The following AAGAB variants were observed in gnomAD, a reference collection of about 807,000 sequenced individuals.
AAGAB encodes the protein alpha- and gamma-adaptin-binding protein p34.
In AAGAB, 38 loss-of-function variants were observed where a neutral mutation model predicts 44.1. The observed-to-expected ratio is 0.86, with a 90% CI of 0.67 to 1.13. The LOEUF (loss-of-function observed/expected upper bound fraction) is 1.13, where lower values mean the gene tolerates loss of function less well. Among genes scored for constraint, AAGAB ranks in the 50% most tolerant of loss-of-function variants. AAGAB has a pLI of 0.00. For synonymous variants in AAGAB, 131 were observed against 131.8 expected (o/e 0.99, Z 0.04); for missense variants, 450 against 373.8 (o/e 1.20, Z -1.68).
chr15:67,211,379 G>A (rs1963816871), intron 5 of AAGAB, among the ~76,000 whole-genome samples: 1 of 152,156 alleles, frequency 6.6e-6, no homozygotes, highest in Non-Finnish European at 1.5e-5. Flanking sequence ...TCCAAAGACA[G>A]GGGACCAAAG....
At position 67,236,568 on chromosome 15, in the gene AAGAB, G is replaced by C. The variant is rs922166344; in HGVS notation, c.264+62C>G. The C allele has an allele frequency of 5.0e-6, 8 of 1,600,022 alleles. No individual in the cohort carries two copies. In the African/African-American group the frequency reaches 9.4e-5, roughly 19 times the overall value. On this transcript the variant is annotated intron_variant, in intron 2 of 9. Transcript: ENST00000261880. ...AAGAGATAGTCAGACAAAATGTAAT[G>C]GGAAAAAAAGAAGGCATGCAATAAT...
chr15:67,227,306 A>T (rs1964227332), intron 5 of AAGAB, among the ~76,000 whole-genome samples: 1 of 152,170 alleles, frequency 6.6e-6, no homozygotes. Context: ...TAATGTCTTG[A>T]AAAAGGTAAC....
chr15:67,233,433 AT>A (rs1489191352), intron 4 of AAGAB, among the ~76,000 whole-genome samples: 1 of 152,234 alleles, frequency 6.6e-6, no homozygotes, highest in East Asian at 1.9e-4. Flanking sequence ...TACAAAGGAA[AT>A]GGGGATCCTG....
intron 1 of AAGAB, among the ~76,000 whole-genome samples, chr15:67,250,819 G>C (rs1377653908): frequency 6.6e-6 from 1 of 152,116 alleles, no homozygotes; most frequent in Admixed American, 6.5e-5. Context: ...GAGGTCAAGA[G>C]ATGGAGACCA....
At chr15:67,217,903 T>C (rs947641548) in intron 5 of AAGAB, among the ~76,000 whole-genome samples, 15 of 152,200 alleles carry the variant, frequency 9.9e-5, no homozygotes, top group African/African-American at 3.6e-4. Context: ...GAATCTGAGA[T>C]TTCTGCCATG....
chr15:67,249,261 C>T (rs1964803681), intron 1 of AAGAB, among the ~76,000 whole-genome samples: 1 of 152,168 alleles, frequency 6.6e-6, no homozygotes, highest in African/African-American at 2.4e-5. Flanking sequence ...TCTCGAACTC[C>T]TGACCTCAGG....
chr15:67,209,988 A>C (rs1416412226), intron 5 of AAGAB, among the ~76,000 whole-genome samples: 5 of 152,062 alleles, frequency 3.3e-5, no homozygotes, highest in Non-Finnish European at 7.4e-5. Context: ...TTTTAAGTAC[A>C]TTTTTTAAAA....
At chr15:67,240,270 G>GT in intron 1 of AAGAB, among the ~76,000 whole-genome samples, 1 of 151,946 alleles carries the variant, frequency 6.6e-6, no homozygotes, top group East Asian at 1.9e-4. Flanking sequence ...TTTTGTTGTT[G>GT]TTTTTTTGTT....
intron 1 of AAGAB, among the ~76,000 whole-genome samples, chr15:67,250,745 C>T (rs187148998): frequency 5.3e-5 from 8 of 152,172 alleles, no homozygotes; most frequent in African/African-American, 1.2e-4. Flanking sequence ...TCTACCCTGT[C>T]GCCGGGTGCG....
At chr15:67,222,853 C>A (rs1384694415) in intron 5 of AAGAB, among the ~76,000 whole-genome samples, 1 of 152,176 alleles carries the variant, frequency 6.6e-6, no homozygotes, top group African/African-American at 2.4e-5. Context: ...CCCTTTCCTG[C>A]AAAATTTTCA....
intron 4 of AAGAB, among the ~76,000 whole-genome samples, chr15:67,233,252 AC>A (rs1464361189): frequency 6.6e-6 from 1 of 152,246 alleles, no homozygotes; most frequent in Non-Finnish European, 1.5e-5. Flanking sequence ...AAGTGAAATG[AC>A]TAGAAGTGTA....
upstream of AAGAB, chr15:67,255,016 C>G: frequency 1.4e-6 from 2 of 1,470,222 alleles, no homozygotes; most frequent in Non-Finnish European, 1.9e-6. Flanking sequence ...TCCCGCGCGC[C>G]GATTCACCGA....
chr15:67,207,121 C>T (rs1012774880), intron 7 of AAGAB, among the ~76,000 whole-genome samples: 1 of 152,144 alleles, frequency 6.6e-6, no homozygotes, highest in Admixed American at 6.5e-5. Context: ...ACCCAGGAAG[C>T]GAGATTGCGG....
intron 1 of AAGAB, 73 bp downstream of exon 1, chr15:67,254,486 G>A (rs925738103): frequency 2.0e-6 from 3 of 1,516,700 alleles, no homozygotes; most frequent in African/African-American, 1.4e-5. Flanking sequence ...GCCCAGAGAG[G>A]CCGTGGTGCT....
intron 5 of AAGAB, among the ~76,000 whole-genome samples, chr15:67,228,959 C>T (rs1439900076): frequency 6.6e-6 from 1 of 152,126 alleles, no homozygotes; most frequent in Non-Finnish European, 1.5e-5. Context: ...AGAGGCCCAA[C>T]AGACACTGGG....
At chr15:67,227,842 T>A (rs1372253454) in intron 5 of AAGAB, among the ~76,000 whole-genome samples, 1 of 152,196 alleles carries the variant, frequency 6.6e-6, no homozygotes, top group African/African-American at 2.4e-5. Context: ...ATTCATTGTA[T>A]CTTCATACCA....
intron 4 of AAGAB, among the ~76,000 whole-genome samples, chr15:67,234,398 T>C (rs1178177139): frequency 6.6e-6 from 1 of 152,212 alleles, no homozygotes; most frequent in Non-Finnish European, 1.5e-5. Context: ...ACTAATACTT[T>C]AGATGATATA....
chr15:67,252,799 T>G (rs1964900152), intron 1 of AAGAB, among the ~76,000 whole-genome samples: 1 of 152,232 alleles, frequency 6.6e-6, no homozygotes, highest in African/African-American at 2.4e-5. Flanking sequence ...AGCAAGGAAC[T>G]TTCTAAGTGA....
chr15:67,222,987 G>A (rs1964118605), intron 5 of AAGAB, among the ~76,000 whole-genome samples: 1 of 152,238 alleles, frequency 6.6e-6, no homozygotes, highest in Non-Finnish European at 1.5e-5. Context: ...CTTGACCTAT[G>A]AGCAGCATTG....
Sources: gnomAD v4.1 joint callset for allele counts (sites outside exome capture counted in the v4.1 genomes callset) on GRCh38, gnomAD v4.1.1 for gene constraint, MANE v1.5 for transcripts, NCBI Gene and HGNC (gene_info 2026-07-23, HGNC 2026-07-21) for gene names.